H2BN1: variants seen among roughly 807,000 people sequenced by gnomAD.
H2BN1 encodes the protein H2B.N variant histone 1.
At chr17:32,897,078 C>G in the H2BN1 span, among the ~76,000 whole-genome samples, 1 of 152,114 alleles carries the variant, frequency 6.6e-6, no homozygotes, top group Non-Finnish European at 1.5e-5. Context: ...TCTCAGGGCA[C>G]TGTAAGGATA....
the H2BN1 span, among the ~76,000 whole-genome samples, chr17:32,905,326 G>C: frequency 2.0e-5 from 3 of 152,230 alleles, no homozygotes; most frequent in East Asian, 1.9e-4. Context: ...TTCTCTGGAG[G>C]GGGTGCTTGC....
the H2BN1 span, among the ~76,000 whole-genome samples, chr17:32,900,920 A>T: frequency 6.6e-6 from 1 of 151,978 alleles, no homozygotes; most frequent in African/African-American, 2.4e-5. Flanking sequence ...ATAAAATTTT[A>T]ATCTCGGCCA....
the H2BN1 span, among the ~76,000 whole-genome samples, chr17:32,898,254 T>A: frequency 1.1e-4 from 16 of 152,154 alleles, no homozygotes; most frequent in African/African-American, 3.6e-4. Flanking sequence ...TAGGGAGACA[T>A]GAGACATCAA....
chr17:32,905,820 A>T, the H2BN1 span: 9 of 152,136 alleles, frequency 5.9e-5, no homozygotes, highest in African/African-American at 2.2e-4. Context: ...TGAGTTTCTG[A>T]TTAGCTTCTC....
chr17:32,901,843 C>T, the H2BN1 span, among the ~76,000 whole-genome samples: 8 of 152,092 alleles, frequency 5.3e-5, no homozygotes, highest in African/African-American at 1.9e-4. Context: ...ATTGTTCTAA[C>T]CAATTATTTA....
chr17:32,897,122 G>A, the H2BN1 span, among the ~76,000 whole-genome samples: 2 of 152,310 alleles, frequency 1.3e-5, no homozygotes, highest in East Asian at 1.9e-4. Context: ...TGTATTGAGT[G>A]TCTAAGTGGT....
At chr17:32,895,862 ATC>A in the H2BN1 span, among the ~76,000 whole-genome samples, 1 of 152,092 alleles carries the variant, frequency 6.6e-6, no homozygotes, top group Non-Finnish European at 1.5e-5. Context: ...TCGCTCTCGT[ATC>A]TGTTGACAGG....
At chr17:32,902,195 A>T in the H2BN1 span, among the ~76,000 whole-genome samples, 8 of 152,212 alleles carry the variant, frequency 5.3e-5, no homozygotes, top group South Asian at 2.1e-4. Flanking sequence ...TTTTATACAT[A>T]ACCTTTAAAT....
At chr17:32,899,008 A>C in the H2BN1 span, among the ~76,000 whole-genome samples, 2 of 152,230 alleles carry the variant, frequency 1.3e-5, no homozygotes, top group Non-Finnish European at 2.9e-5. Context: ...ACTTGTAGCC[A>C]AGAAAAATTA....
the H2BN1 span, among the ~76,000 whole-genome samples, chr17:32,900,158 AT>A: frequency 6.6e-6 from 1 of 152,240 alleles, no homozygotes; most frequent in Non-Finnish European, 1.5e-5. Context: ...ATACTAAGTC[AT>A]ATCAGAATTA....
the H2BN1 span, among the ~76,000 whole-genome samples, chr17:32,897,520 GTC>G: frequency 6.6e-6 from 1 of 152,302 alleles, no homozygotes; most frequent in South Asian, 2.1e-4. Flanking sequence ...TACTCTGGTT[GTC>G]TCTCTAACAT....
At chr17:32,902,578 C>T in the H2BN1 span, among the ~76,000 whole-genome samples, 2 of 152,156 alleles carry the variant, frequency 1.3e-5, no homozygotes, top group South Asian at 4.1e-4. Context: ...CAGTGGCTCA[C>T]GCCTGTAATC....
At chr17:32,897,201 C>A in the H2BN1 span, among the ~76,000 whole-genome samples, 2 of 152,100 alleles carry the variant, frequency 1.3e-5, no homozygotes, top group Non-Finnish European at 2.9e-5. Flanking sequence ...TAAAGGGACT[C>A]ACAATCCTGC....
the H2BN1 span, among the ~76,000 whole-genome samples, chr17:32,904,379 C>A: frequency 2.0e-5 from 3 of 152,150 alleles, no homozygotes; most frequent in African/African-American, 7.2e-5. Flanking sequence ...ACAACAACTT[C>A]CTAGGAGAGA....
the H2BN1 span, among the ~76,000 whole-genome samples, chr17:32,897,096 A>G: frequency 2.6e-5 from 4 of 152,086 alleles, no homozygotes; most frequent in Non-Finnish European, 5.9e-5. Context: ...ATAAAACAAG[A>G]TATTGGTTGG....
the H2BN1 span, among the ~76,000 whole-genome samples, chr17:32,901,489 C>A: frequency 6.6e-6 from 1 of 152,100 alleles, no homozygotes. Flanking sequence ...TAATTTCTGG[C>A]CCTGTGACTT....
chr17:32,900,146 G>A, the H2BN1 span, among the ~76,000 whole-genome samples: 24 of 152,308 alleles, frequency 1.6e-4, no homozygotes, highest in African/African-American at 4.8e-4. Flanking sequence ...TACTGATAAT[G>A]TATACTAAGT....
the H2BN1 span, among the ~76,000 whole-genome samples, chr17:32,897,126 A>G: frequency 6.6e-6 from 1 of 152,302 alleles, no homozygotes; most frequent in Admixed American, 6.5e-5. Flanking sequence ...TTGAGTGTCT[A>G]AGTGGTCTAA....
chr17:32,902,512 T>C, the H2BN1 span, among the ~76,000 whole-genome samples: 1 of 152,204 alleles, frequency 6.6e-6, no homozygotes. Context: ...CAAGATATAG[T>C]TTTTTATTAA....
Sources: gnomAD v4.1 joint callset for allele counts (sites outside exome capture counted in the v4.1 genomes callset) on GRCh38, gnomAD v4.1.1 for gene constraint, MANE v1.5 for transcripts, NCBI Gene and HGNC (gene_info 2026-07-23, HGNC 2026-07-21) for gene names.